The following MAPRE3 variants were observed in gnomAD, a reference collection of about 807,000 sequenced individuals.
The protein encoded by MAPRE3 is microtubule associated protein RP/EB family member 3.
In MAPRE3, 2 loss-of-function variants were observed where a neutral mutation model predicts 30.5. The observed-to-expected ratio is 0.07, with a 90% CI of 0.03 to 0.21. MAPRE3 has a LOEUF of 0.21. MAPRE3 is among the 10% of genes least tolerant of loss of function. The pLI is 1.00. For missense variants in MAPRE3, 204 were observed against 351.8 expected (o/e 0.58, Z 3.36); for synonymous variants, 110 against 127.7 (o/e 0.86, Z 0.93).
At chr2:26,974,484 C>G (rs1028286003) in intron 1 of MAPRE3, among the ~76,000 whole-genome samples, 1 of 152,168 alleles carries the variant, frequency 6.6e-6, no homozygotes, top group African/African-American at 2.4e-5. Context: ...CTGCCGCATT[C>G]CAGAAAGCAA....
At chr2:27,009,670 C>T (rs1260584925) in intron 1 of MAPRE3, 2 of 152,328 alleles carry the variant, frequency 1.3e-5, no homozygotes, top group East Asian at 3.9e-4. Context: ...TGGCTTTCGT[C>T]TGCCTTTTTA....
chr2:27,018,046 A>G (rs1221620333), intron 1 of MAPRE3, among the ~76,000 whole-genome samples: 4 of 152,192 alleles, frequency 2.6e-5, no homozygotes, highest in Non-Finnish European at 5.9e-5. Context: ...AATGATTTCA[A>G]TCAAAAACTG....
At chr2:26,990,939 G>C (rs762330349) in intron 1 of MAPRE3, among the ~76,000 whole-genome samples, 1 of 152,190 alleles carries the variant, frequency 6.6e-6, no homozygotes, top group Non-Finnish European at 1.5e-5. Flanking sequence ...CACTCAGTGG[G>C]TGCGCACCAC....
chr2:26,994,144 G>T (rs774101001), intron 1 of MAPRE3, among the ~76,000 whole-genome samples: 8 of 152,142 alleles, frequency 5.3e-5, no homozygotes, highest in Admixed American at 2.0e-4. Context: ...CACAATTCAG[G>T]ATCTAGTCTC....
At chr2:27,005,082 G>A (rs1279772828) in intron 1 of MAPRE3, among the ~76,000 whole-genome samples, 1 of 151,996 alleles carries the variant, frequency 6.6e-6, no homozygotes, top group African/African-American at 2.4e-5. Flanking sequence ...AAACTTCTGG[G>A]GAAAAAATGA....
chr2:26,999,601 T>C (rs1352151459), intron 1 of MAPRE3, among the ~76,000 whole-genome samples: 1 of 146,810 alleles, frequency 6.8e-6, no homozygotes, highest in East Asian at 2.0e-4. Flanking sequence ...CCTCCTGGGT[T>C]CAAGCGATTC....
chr2:26,998,698 A>G (rs1040228864), intron 1 of MAPRE3, among the ~76,000 whole-genome samples: 6 of 152,210 alleles, frequency 3.9e-5, no homozygotes, highest in African/African-American at 1.4e-4. Flanking sequence ...TCCACACAGT[A>G]TTACAGAAGT....
intron 1 of MAPRE3, among the ~76,000 whole-genome samples, chr2:26,975,171 A>G (rs1362705938): frequency 1.3e-5 from 2 of 152,336 alleles, no homozygotes; most frequent in African/African-American, 4.8e-5. Context: ...GTTCTCCAGC[A>G]GGGAGGCCAG....
chr2:27,022,819 A>T (rs868339327), intron 2 of MAPRE3: 1 of 168,080 alleles, frequency 5.9e-6, no homozygotes, highest in Middle Eastern at 3.0e-3. Flanking sequence ...GAGGCCCTGA[A>T]CTAGTCAGAC....
At chr2:26,988,917 T>TC (rs971332388) in intron 1 of MAPRE3, among the ~76,000 whole-genome samples, 10 of 152,140 alleles carry the variant, frequency 6.6e-5, no homozygotes, top group African/African-American at 1.9e-4. Context: ...CCCCTGACAC[T>TC]CCTTGGCAGA....
chr2:27,016,804 C>G (rs990902297), intron 1 of MAPRE3, among the ~76,000 whole-genome samples: 1 of 152,166 alleles, frequency 6.6e-6, no homozygotes, highest in African/African-American at 2.4e-5. Flanking sequence ...CCAAGTCAAC[C>G]CCCAATGCAA....
In MAPRE3 at chr2:27,026,394, C is replaced by T. The variant is rs1261740022; in HGVS notation, c.*46C>T. On this transcript the variant is annotated 3_prime_UTR_variant, in exon 7 of 7. Coordinates refer to ENST00000233121, the MANE Select transcript of MAPRE3 (RefSeq NM_012326.4). ...GACTGCACAGCTTCCCCGTGCCTCC[C>T]TCCCTGCTCCACTCCCACATTATAG... is the stretch of plus-strand genomic sequence containing the variant. 4.1e-6 allele frequency: 6 copies of T among 1,477,726 alleles called. No individual in the cohort carries two copies. Among genetic ancestry groups the T allele is most frequent in the Non-Finnish European group, 5.6e-6 (6 of 1,065,678 alleles). The allele number at this position is 1,477,726 out of a possible 1,614,324, so 91.5% of individuals were successfully genotyped here.
At chr2:26,987,726 AG>A (rs1666253504) in intron 1 of MAPRE3, among the ~76,000 whole-genome samples, 1 of 152,208 alleles carries the variant, frequency 6.6e-6, no homozygotes, top group African/African-American at 2.4e-5. Context: ...CAATCAATAA[AG>A]GGATCAGAGA....
chr2:26,995,904 C>T (rs1343992184), intron 1 of MAPRE3, among the ~76,000 whole-genome samples: 4 of 148,922 alleles, frequency 2.7e-5, no homozygotes, highest in Non-Finnish European at 4.4e-5. Context: ...ACTGATATTC[C>T]GGCCACAGAA....
intron 1 of MAPRE3, among the ~76,000 whole-genome samples, chr2:26,990,856 T>C (rs1666322071): frequency 1.3e-5 from 2 of 152,244 alleles, no homozygotes; most frequent in Non-Finnish European, 2.9e-5. Flanking sequence ...TCCTGCACTG[T>C]TCAGCTGTGA....
intron 2 of MAPRE3, chr2:27,022,992 G>A (rs921185237): frequency 2.6e-5 from 5 of 192,212 alleles, no homozygotes; most frequent in African/African-American, 1.2e-4. Context: ...AGCTCTTCTG[G>A]TGGTGCAACC....
intron 1 of MAPRE3, among the ~76,000 whole-genome samples, chr2:26,974,819 G>C (rs1357451783): frequency 2.6e-5 from 4 of 152,220 alleles, no homozygotes; most frequent in African/African-American, 7.2e-5. Flanking sequence ...AGTATGTAGA[G>C]TGCTTGCTTC....
intron 1 of MAPRE3, among the ~76,000 whole-genome samples, chr2:27,019,576 G>C (rs1445082756): frequency 6.6e-6 from 1 of 152,220 alleles, no homozygotes; most frequent in African/African-American, 2.4e-5. Flanking sequence ...CCAAGATGCA[G>C]GGCAGTGGGC....
intron 1 of MAPRE3, among the ~76,000 whole-genome samples, chr2:26,973,844 C>T (rs1350926346): frequency 3.3e-5 from 5 of 152,272 alleles, no homozygotes; most frequent in Admixed American, 6.5e-5. Flanking sequence ...CGTGAGCCAC[C>T]GCGCCTGGCC....
Sources: gnomAD v4.1 joint callset for allele counts (sites outside exome capture counted in the v4.1 genomes callset) on GRCh38, gnomAD v4.1.1 for gene constraint, MANE v1.5 for transcripts, NCBI Gene and HGNC (gene_info 2026-07-23, HGNC 2026-07-21) for gene names.